SEC22C: variants seen among roughly 807,000 people sequenced by gnomAD.
SEC22C encodes vesicle-trafficking protein SEC22c.
A neutral mutation model predicts 34.7 loss-of-function variants in SEC22C; 29 were observed. The observed-to-expected ratio is 0.84, with a 90% CI of 0.62 to 1.14. The LOEUF (loss-of-function observed/expected upper bound fraction) is 1.14. SEC22C is among the 50% of genes most tolerant of loss of function. SEC22C has a pLI of 0.00. For missense variants in SEC22C, 337 were observed against 369.0 expected, an observed-to-expected ratio of 0.91 and a Z score of 0.71; for synonymous variants, 117 against 132.8, an observed-to-expected ratio of 0.88 and a Z score of 0.82.
intron 4 of SEC22C, among the ~76,000 whole-genome samples, chr3:42,559,755 G>A (rs1702757074): frequency 1.3e-5 from 2 of 152,074 alleles, no homozygotes; most frequent in African/African-American, 4.8e-5. Flanking sequence ...ATATCCAATT[G>A]AATTAAATAT....
At chr3:42,591,706 G>C (rs1399587589) in intron 1 of SEC22C, 5 of 826,520 alleles carry the variant, frequency 6.0e-6, no homozygotes, top group Non-Finnish European at 8.2e-6. Context: ...TCGCAGTTAA[G>C]CCCCTCTTTG....
intron 2 of SEC22C, among the ~76,000 whole-genome samples, chr3:42,566,520 CA>C (rs56981733): frequency 0.14 from 20,911 of 150,838 alleles, 1,861 homozygotes; most frequent in African/African-American, 0.24. Flanking sequence ...ACTAAAAATA[CA>C]AAAAAAAATT....
intron 2 of SEC22C, among the ~76,000 whole-genome samples, chr3:42,567,549 CA>C (rs2125711273): frequency 6.6e-6 from 1 of 152,272 alleles, no homozygotes; most frequent in African/African-American, 2.4e-5. Context: ...CATCATTAGC[CA>C]CATAAAACAC....
In SEC22C at chr3:42,548,675, TCAATGGTAC is replaced by T. The variant is rs1702099138; in HGVS notation, c.*4564_*4572del. On this transcript the variant is annotated 3_prime_UTR_variant, in exon 7 of 7. Coordinates refer to ENST00000264454, the MANE Select transcript of SEC22C (RefSeq NM_032970.4). Reference sequence around the variant, plus strand: ...CTTGGATCCTGGAATAAACCAAACATCAATGGTACCATGCGCTCTGTGCCCAGGGAGTGA... The same window carrying T: ...CTTGGATCCTGGAATAAACCAAACATCATGCGCTCTGTGCCCAGGGAGTGA... 2 of 1,614,008 alleles carry T rather than the reference TCAATGGTAC, an allele frequency of 1.2e-6. No individual in the cohort carries two copies. Among genetic ancestry groups the T allele is most frequent in the Admixed American group, 1.7e-5 (1 of 60,008 alleles).
In SEC22C at chr3:42,549,043, A is replaced by G. The variant is rs1577277601; in HGVS notation, c.*4205T>C. The stretch of plus-strand genomic sequence containing the variant: ...ATTTGTGCACTGCGACATAGGACTC[A>G]GTGAAGAGCCTAGCCAGCTGACGGT... On this transcript the variant is annotated 3_prime_UTR_variant, in exon 7 of 7. Coordinates refer to ENST00000264454, the MANE Select transcript of SEC22C (RefSeq NM_032970.4). The G allele has an allele frequency of 4.0e-6, 4 of 989,198 alleles. No individual in the cohort carries two copies. The highest frequency in any genetic ancestry group is 1.7e-5 in the African/African-American group (1 of 58,328). The allele number at this position is 989,198 out of a possible 1,614,324, so 61.3% of individuals were successfully genotyped here.
rs538995525 is a variant in SEC22C, at chr3:42,558,037, C to T, written c.527-341G>A. Among the ~76,000 whole-genome samples the T allele has an allele frequency of 2.0e-5, 3 of 152,318 alleles. No homozygotes were observed. In the South Asian group the frequency reaches 6.2e-4, roughly 32 times the overall value. ...GTGGATATTTGGCCATGTCTGGAGT[C>T]ATTTCTGGTTGTCACAACTAGAGAC... is the stretch of plus-strand genomic sequence containing the variant. On this transcript the variant is annotated intron_variant, in intron 4 of 6. Transcript: ENST00000264454.
At chr3:42,562,013 G>GA (rs1232459853) in intron 3 of SEC22C, among the ~76,000 whole-genome samples, 12 of 149,896 alleles carry the variant, frequency 8.0e-5, no homozygotes, top group East Asian at 2.0e-4. Context: ...GGGCTTGTTT[G>GA]AAAAAAAAAT....
At chr3:42,572,244 C>A (rs1232133236) in intron 1 of SEC22C, among the ~76,000 whole-genome samples, 5 of 143,908 alleles carry the variant, frequency 3.5e-5, no homozygotes, top group South Asian at 2.2e-4. Context: ...GCCAAAAAAA[C>A]TTTGTTCTCT....
intron 1 of SEC22C, among the ~76,000 whole-genome samples, chr3:42,577,498 A>C (rs1704043973): frequency 6.6e-6 from 1 of 152,220 alleles, no homozygotes. Flanking sequence ...ATGGATGGCA[A>C]ATCAGAGCAT....
intron 3 of SEC22C, among the ~76,000 whole-genome samples, chr3:42,562,325 A>T (rs867384349): frequency 2.0e-5 from 3 of 152,224 alleles, no homozygotes; most frequent in African/African-American, 7.2e-5. Context: ...CCGAGCTCCA[A>T]ATCAACTCAC....
chr3:42,575,229 C>T (rs1703889522), intron 1 of SEC22C, among the ~76,000 whole-genome samples: 1 of 152,126 alleles, frequency 6.6e-6, no homozygotes, highest in South Asian at 2.1e-4. Flanking sequence ...ACAATGGCAA[C>T]AACAAACAGA....
In SEC22C at chr3:42,553,424, G is replaced by A. The variant is rs746062879; in HGVS notation, c.736C>T (p.Pro246Ser). Reference sequence around the variant, plus strand: ...AGCACCACCTTCATAGTCCTGGCTGGACTGTAGAACAGGTACAAATAACAC... The same window carrying A: ...AGCACCACCTTCATAGTCCTGGCTGAACTGTAGAACAGGTACAAATAACAC... Reference protein sequence around the residue: ...FQCYLYLFYSPARTMKVVLML... With the variant: ...FQCYLYLFYSSARTMKVVLML... Residue 246 changes from proline (P) to serine (S), a missense_variant, in exon 7 of 7, where the codon CCA (proline) becomes TCA (serine). Transcript: ENST00000264454. 1.1e-5 allele frequency: 17 copies of A among 1,613,968 alleles called. No homozygotes were observed. The highest frequency in any genetic ancestry group is 2.7e-5 in the African/African-American group (2 of 74,890).
At chr3:42,594,538 A>C in intron 1 of SEC22C, 5 of 1,593,082 alleles carry the variant, frequency 3.1e-6, no homozygotes, top group Non-Finnish European at 4.3e-6. Context: ...ATAATCTTCC[A>C]TTTGGCTGTC....
intron 1 of SEC22C, among the ~76,000 whole-genome samples, chr3:42,599,234 G>A (rs1417753081): frequency 1.3e-5 from 2 of 150,696 alleles, no homozygotes. Context: ...CAAAGTGCTG[G>A]GATTACAGGC....
In SEC22C at chr3:42,551,341, T is replaced by C; in HGVS notation, c.*1907A>G. The C allele has an allele frequency of 1.0e-6, 1 of 985,258 alleles. No individual in the cohort carries two copies. The highest frequency in any genetic ancestry group is 1.2e-6 in the Non-Finnish European group (1 of 829,856). 61.0% of individuals were successfully genotyped at this position (985,258 alleles called of 1,614,324 possible). On this transcript the variant is annotated 3_prime_UTR_variant, in exon 7 of 7. Transcript: ENST00000264454. ...GTCTGAGTATGCTGCCAATATAATT[T>C]TCATATTCAGACTTTTTAGAGACAG...
intron 1 of SEC22C, chr3:42,591,201 CTTTT>C (rs71616053): frequency 7.6e-4 from 370 of 487,066 alleles, no homozygotes; most frequent in Non-Finnish European, 8.5e-4. Flanking sequence ...CCTTTCTCTC[CTTTT>C]TTTTTTTTTT....
intron 3 of SEC22C, among the ~76,000 whole-genome samples, chr3:42,562,825 G>A (rs1478718043): frequency 6.6e-6 from 1 of 152,146 alleles, no homozygotes; most frequent in African/African-American, 2.4e-5. Context: ...GGCCTTTCTG[G>A]CAGAGCCTAG....
chr3:42,549,799 G>A lies in SEC22C; in HGVS notation c.*3449C>T. 1.0e-6 allele frequency: 1 copy of A among 985,486 alleles called. No homozygotes were observed. Among genetic ancestry groups the A allele is most frequent in the Non-Finnish European group, 1.2e-6 (1 of 829,956 alleles). 61.0% of individuals were successfully genotyped at this position (985,486 alleles called of 1,614,324 possible). A position where few individuals can be genotyped will look rare whatever the true frequency, so the allele number is the denominator to read the frequency against. ...AGAGCACCTAGAAAAGAACAGAGGA[G>A]CTCAAGCTCATTTAATCAAAATGCT... is the stretch of plus-strand genomic sequence containing the variant. On this transcript the variant is annotated 3_prime_UTR_variant, in exon 7 of 7. Transcript: ENST00000264454.
intron 1 of SEC22C, chr3:42,591,584 CG>C: frequency 6.2e-7 from 1 of 1,613,584 alleles, no homozygotes; most frequent in South Asian, 1.1e-5. Flanking sequence ...ACAAGGGCCG[CG>C]GGAACGAGTG....
Sources: allele counts gnomAD v4.1 joint callset (sites outside exome capture counted in the v4.1 genomes callset), GRCh38; gene constraint gnomAD v4.1.1; transcripts MANE v1.5; gene names NCBI Gene and HGNC (gene_info 2026-07-23, HGNC 2026-07-21).